Variants in HOXA4 observed in about 807,000 individuals in gnomAD.
HOXA4 encodes homeobox A4.
In HOXA4, 31 loss-of-function variants were observed where a neutral mutation model predicts 25.3. That is an observed-to-expected ratio of 1.22 (90% CI 0.92 to 1.65). The LOEUF (loss-of-function observed/expected upper bound fraction) is 1.65. HOXA4 is among the 40% of genes most tolerant of loss of function. The pLI is 0.00. For missense variants in HOXA4, 459 were observed against 446.0 expected, an observed-to-expected ratio of 1.03 and a Z score of -0.26; for synonymous variants, 225 against 207.7, an observed-to-expected ratio of 1.08 and a Z score of -0.72.
rs1362089986 is a variant in HOXA4 at position 27,128,886 on chromosome 7, G to A, written c.*339C>T. The stretch of plus-strand genomic sequence containing the variant: ...GCTTTCAACAAAGATGCAAGTGTAT[G>A]TCCCCACTCAGCATGGGCTGTCCAG... On this transcript the variant is annotated 3_prime_UTR_variant, in exon 2 of 2. Transcript: ENST00000360046. 5.8e-6 allele frequency: 2 copies of A among 345,080 alleles called. No individual in the cohort carries two copies. Among genetic ancestry groups the A allele is most frequent in the Admixed American group, 8.6e-5 (2 of 23,310 alleles). 21.4% of individuals were successfully genotyped at this position (345,080 alleles called of 1,614,324 possible). A position where few individuals can be genotyped will look rare whatever the true frequency, so the allele number is the denominator to read the frequency against.
chr7:27,130,386 G>C lies in HOXA4; in HGVS notation c.348C>G (p.Pro116=). 1.7e-6 allele frequency: 2 copies of C among 1,153,310 alleles called. No individual in the cohort carries two copies. The highest frequency in any genetic ancestry group is 2.1e-6 in the Non-Finnish European group (2 of 938,364). The allele number at this position is 1,153,310 out of a possible 1,614,324, so 71.4% of individuals were successfully genotyped here. Residue 116 remains proline, a synonymous_variant, in exon 1 of 2, where the codon CCC becomes CCG. Transcript: ENST00000360046. ...GGASPGRPPQ[P]EQPPAQAKGP... is the part of the protein sequence containing the mutation. ...CCTTGGCTTGCGCCGGGGGCTGCTC[G>C]GGCTGGGGCGGCCGCCCGGGGCTGG...
At chr7:27,129,673 A>G in intron 1 of HOXA4, 102 bp from the exon 2 acceptor site, 2 of 1,243,418 alleles carry the variant, frequency 1.6e-6, no homozygotes, top group South Asian at 2.5e-5. Flanking sequence ...GCAATTGGAC[A>G]TCATCATTAT....
chr7:27,130,556 G>A lies in HOXA4; in HGVS notation c.178C>T (p.Leu60Phe), dbSNP rs1391659698. The A allele has an allele frequency of 2.8e-6, 4 of 1,431,790 alleles. No homozygotes were observed. The highest frequency in any genetic ancestry group is 3.7e-6 in the Non-Finnish European group (4 of 1,090,566). 88.7% of individuals were successfully genotyped at this position (1,431,790 alleles called of 1,614,324 possible). A position where few individuals can be genotyped will look rare whatever the true frequency, so the allele number is the denominator to read the frequency against. The stretch of plus-strand genomic sequence containing the variant: ...TCTCGGCCGCCGCCCGCGTGAGGGA[G>A]CTGGGGCTGCTGCAGCGGCAGGTGC... ...TQHLPLQQPQ[L>F]PHAGGGREPT... Residue 60 changes from leucine to phenylalanine, a missense_variant, in exon 1 of 2, where the codon CTC becomes TTC. Leu to Phe is a conservative substitution (Grantham distance 22). Coordinates refer to ENST00000360046, the MANE Select transcript of HOXA4 (RefSeq NM_002141.5).
intron 1 of HOXA4, 54 bp from the exon 2 acceptor site, chr7:27,129,625 G>T: frequency 6.3e-7 from 1 of 1,594,824 alleles, no homozygotes; most frequent in Admixed American, 1.7e-5. Flanking sequence ...GCGGAAGAGA[G>T]GGAAAGGAGG....
chr7:27,130,595 C>A lies in HOXA4; in HGVS notation c.139G>T (p.Ala47Ser). 1.3e-6 allele frequency: 2 copies of A among 1,528,918 alleles called. No individual in the cohort carries two copies. Among genetic ancestry groups the A allele is most frequent in the Middle Eastern group, 1.9e-4 (1 of 5,164 alleles). 94.7% of individuals were successfully genotyped at this position (1,528,918 alleles called of 1,614,324 possible). The change falls in exon 1 of 2, where the codon GCG becomes TCG. Residue 47 changes from alanine to serine, a missense_variant. Transcript: ENST00000360046. Reference sequence around the variant, plus strand: ...AGCGGCAGGTGCTGGGTCGGGGGCGCTGGGGGCTGCTGGTAGCCGGGGCCC... The same window carrying A: ...AGCGGCAGGTGCTGGGTCGGGGGCGATGGGGGCTGCTGGTAGCCGGGGCCC... ...GGGPGYQQPP[A>S]PPTQHLPLQQ...
Position 27,129,407 on chromosome 7 carries a change from T to TCTTGACCTGGCGCTCAGAC in HOXA4, c.762_780dup (p.Ile261ValfsTer2). ...TTCATCCTCCGGTTCTGAAACCAGA[T>TCTTGACCTGGCGCTCAGAC]CTTGACCTGGCGCTCAGACAAACAG... On this transcript the variant is annotated stop_gained and frameshift_variant, in exon 2 of 2. Coordinates refer to ENST00000360046, the MANE Select transcript of HOXA4 (RefSeq NM_002141.5). LOFTEE classifies it high-confidence loss of function. 3.1e-6 allele frequency: 5 copies of TCTTGACCTGGCGCTCAGAC among 1,614,142 alleles called. No homozygotes were observed. The highest frequency in any genetic ancestry group is 3.4e-6 in the Non-Finnish European group (4 of 1,180,032).
chr7:27,130,521 G>A lies in HOXA4; in HGVS notation c.213C>T (p.Ala71=). The A allele has an allele frequency of 7.4e-7, 1 of 1,347,044 alleles. No individual in the cohort carries two copies. The highest frequency in any genetic ancestry group is 9.6e-7 in the Non-Finnish European group (1 of 1,046,842). 83.4% of individuals were successfully genotyped at this position (1,347,044 alleles called of 1,614,324 possible). Residue 71 remains alanine (A), a synonymous_variant, in exon 1 of 2, where the codon GCC becomes GCT. Coordinates refer to ENST00000360046, the MANE Select transcript of HOXA4 (RefSeq NM_002141.5). ...PHAGGGREPT[A]SYYAPRTARE... ...GGGCGGTCCGCGGCGCGTAGTAGGAGGCAGTGGGCTCTCGGCCGCCGCCCG... is the reference window on the plus strand; with the variant it reads ...GGGCGGTCCGCGGCGCGTAGTAGGAAGCAGTGGGCTCTCGGCCGCCGCCCG...
chr7:27,129,314 C>CGGCAGA lies in HOXA4; in HGVS notation c.868_873dup (p.Ser290_Ala291dup). On this transcript the variant is annotated inframe_insertion, in exon 2 of 2. Coordinates refer to ENST00000360046, the MANE Select transcript of HOXA4 (RefSeq NM_002141.5). Reference sequence around the variant, plus strand: ...TGAGTTTGTGCTTTCCCTGGTGGGCCGGCAGAGGCCGAGGCCGAATTGGAG... The same window carrying CGGCAGA: ...TGAGTTTGTGCTTTCCCTGGTGGGCCGGCAGAGGCAGAGGCCGAGGCCGAATTGGAG... 6.8e-6 allele frequency: 11 copies of CGGCAGA among 1,614,014 alleles called. No individual in the cohort carries two copies. Among genetic ancestry groups the CGGCAGA allele is most frequent in the Non-Finnish European group, 9.3e-6 (11 of 1,180,006 alleles).
intron 1 of HOXA4, among the ~76,000 whole-genome samples, chr7:27,129,780 G>A (rs371502063): frequency 6.6e-6 from 1 of 152,232 alleles, no homozygotes; most frequent in Non-Finnish European, 1.5e-5. Context: ...GAGCCATAAA[G>A]AATGGTGCTG....
intron 1 of HOXA4, 42 bp from the exon 2 acceptor site, chr7:27,129,613 G>A: frequency 6.2e-7 from 1 of 1,602,364 alleles, no homozygotes; most frequent in Non-Finnish European, 8.5e-7. Flanking sequence ...AAGGAGGAGG[G>A]AGCGGAAGAG....
chr7:27,130,582 T>C lies in HOXA4; in HGVS notation c.152A>G (p.Gln51Arg). 1 of 1,505,490 alleles carries C rather than the reference T, an allele frequency of 6.6e-7. No individual in the cohort carries two copies. The allele number at this position is 1,505,490 out of a possible 1,614,324, so 93.3% of individuals were successfully genotyped here. The change falls in exon 1 of 2, where the codon CAG becomes CGG. Residue 51 changes from glutamine to arginine, a missense_variant. Coordinates refer to ENST00000360046, the MANE Select transcript of HOXA4 (RefSeq NM_002141.5). ...CTGGGGCTGCTGCAGCGGCAGGTGC[T>C]GGGTCGGGGGCGCTGGGGGCTGCTG... Reference protein sequence around the residue: ...GYQQPPAPPTQHLPLQQPQLP... With the variant: ...GYQQPPAPPTRHLPLQQPQLP...
chr7:27,129,750 T>C lies in HOXA4; in HGVS notation c.617-179A>G, dbSNP rs17449108. Among the ~76,000 whole-genome samples the C allele has an allele frequency of 0.031, 4,730 of 152,234 alleles. 263 individuals are homozygous for C. Among genetic ancestry groups the C allele is most frequent in the East Asian group, 0.14 (745 of 5,162 alleles). On this transcript the variant is annotated intron_variant, in intron 1 of 1. Coordinates refer to ENST00000360046, the MANE Select transcript of HOXA4 (RefSeq NM_002141.5). ...GCAAAGAAAATGTTTCACAGGCTAT[T>C]GACAACGGGAAACACCCGAGAGCCA...
In HOXA4 at chr7:27,130,278, C is replaced by T; in HGVS notation, c.456G>A (p.Ala152=). 2.7e-6 allele frequency: 3 copies of T among 1,126,850 alleles called. No individual in the cohort carries two copies. Among genetic ancestry groups the T allele is most frequent in the Non-Finnish European group, 3.3e-6 (3 of 921,538 alleles). 69.8% of individuals were successfully genotyped at this position (1,126,850 alleles called of 1,614,324 possible). Residue 152 remains alanine, a synonymous_variant, in exon 1 of 2, where the codon GCG becomes GCA. Transcript: ENST00000360046. The part of the protein sequence containing the change: ...PPLQPRAVPP[A]APRRCEAAPA... The stretch of plus-strand genomic sequence containing the variant: ...GGGCCGCCTCGCAGCGCCGCGGGGC[C>T]GCTGGGGGCACGGCGCGAGGCTGCA...
At chr7:27,129,653 G>C in intron 1 of HOXA4, 82 bp from the exon 2 acceptor site, 3 of 1,470,404 alleles carry the variant, frequency 2.0e-6, no homozygotes, top group Non-Finnish European at 2.8e-6. Flanking sequence ...AGAAGGTGGG[G>C]TGGGGAAGAG....
intron 1 of HOXA4, 26 bp downstream of exon 1, chr7:27,130,092 C>T: frequency 2.5e-6 from 4 of 1,577,646 alleles, no homozygotes; most frequent in South Asian, 1.1e-5. Flanking sequence ...GCCCACCTCC[C>T]GCGCCTCCCA....
At position 27,130,727 on chromosome 7, in the gene HOXA4, T is replaced by C; in HGVS notation, c.7A>G (p.Met3Val). 2.5e-6 allele frequency: 4 copies of C among 1,605,394 alleles called. No individual in the cohort carries two copies. Among genetic ancestry groups the C allele is most frequent in the South Asian group, 1.1e-5 (1 of 90,138 alleles). The change falls in exon 1 of 2, where the codon ATG becomes GTG. Residue 3 changes from methionine to valine, a missense_variant. Transcript: ENST00000360046. ...TTGGAGTTTATCAAAAACGAGCTCATGGTCATTAATTTGTGAAGTGCAAAA... is the reference window on the plus strand; with the variant it reads ...TTGGAGTTTATCAAAAACGAGCTCACGGTCATTAATTTGTGAAGTGCAAAA... MT[M>V]SSFLINSNYI...
rs906256490 is a variant in HOXA4, at chr7:27,130,242, T to C, written c.492A>G (p.Pro164=). ...GGGCGCTGCCCCCTGCCGGGACGCCTGGGGTGGCGGGGGCCGCCTCGCAGC... is the reference window on the plus strand; with the variant it reads ...GGGCGCTGCCCCCTGCCGGGACGCCCGGGGTGGCGGGGGCCGCCTCGCAGC... ...PRRCEAAPAT[P]GVPAGGSAPA... The change falls in exon 1 of 2, where the codon CCA becomes CCG. Residue 164 remains proline, a synonymous_variant. Coordinates refer to ENST00000360046, the MANE Select transcript of HOXA4 (RefSeq NM_002141.5). 21 of 1,303,564 alleles carry C rather than the reference T, an allele frequency of 1.6e-5. No homozygotes were observed. The highest frequency in any genetic ancestry group is 2.1e-5 in the Non-Finnish European group (21 of 1,023,502). The allele number at this position is 1,303,564 out of a possible 1,614,324, so 80.7% of individuals were successfully genotyped here.
chr7:27,129,417 G>C lies in HOXA4; in HGVS notation c.771C>G (p.Arg257=), dbSNP rs1468653189. The change falls in exon 2 of 2, where the codon CGC becomes CGG. Residue 257 remains arginine (R), a synonymous_variant. Coordinates refer to ENST00000360046, the MANE Select transcript of HOXA4 (RefSeq NM_002141.5). The stretch of plus-strand genomic sequence containing the variant: ...GGTTCTGAAACCAGATCTTGACCTG[G>C]CGCTCAGACAAACAGAGCGTGTGGG... ...EIAHTLCLSE[R]QVKIWFQNRR... 6.2e-7 allele frequency: 1 copy of C among 1,614,164 alleles called. No homozygotes were observed. Among genetic ancestry groups the C allele is most frequent in the South Asian group, 1.1e-5 (1 of 91,088 alleles).
Position 27,130,700 on chromosome 7 carries a change from A to G in HOXA4, c.34T>C (p.Tyr12His). 3 of 1,608,094 alleles carry G rather than the reference A, an allele frequency of 1.9e-6. No individual in the cohort carries two copies. The highest frequency in any genetic ancestry group is 2.5e-6 in the Non-Finnish European group (3 of 1,176,974). ...AAGGGAGGGAACTTGGGCTCGATGT[A>G]GTTGGAGTTTATCAAAAACGAGCTC... ...TMSSFLINSN[Y>H]IEPKFPPFEE... The change falls in exon 1 of 2, where the codon TAC becomes CAC. Residue 12 changes from tyrosine (Y) to histidine (H), a missense_variant. Transcript: ENST00000360046.
Sources: allele counts gnomAD v4.1 joint callset (sites outside exome capture counted in the v4.1 genomes callset), GRCh38; gene constraint gnomAD v4.1.1; transcripts MANE v1.5; gene names NCBI Gene and HGNC (gene_info 2026-07-23, HGNC 2026-07-21).